The following UBASH3B variants were observed in gnomAD, a reference collection of about 807,000 sequenced individuals.
The protein encoded by UBASH3B is ubiquitin associated and SH3 domain containing B.
A neutral mutation model predicts 83.4 loss-of-function variants in UBASH3B; 37 were observed. The ratio of observed to expected loss-of-function variants is 0.44; its 90% CI spans 0.34 to 0.58. The LOEUF (loss-of-function observed/expected upper bound fraction) is 0.58. UBASH3B is among the 20% of genes least tolerant of loss of function. The probability of loss-of-function intolerance (pLI) is 0.01; values close to 1 mark genes in which losing one functional copy is unlikely to be tolerated. For synonymous variants in UBASH3B, 304 were observed against 318.3 expected, an observed-to-expected ratio of 0.96 and a Z score of 0.48; for missense variants, 657 against 827.2, an observed-to-expected ratio of 0.79 and a Z score of 2.52.
intron 1 of UBASH3B, among the ~76,000 whole-genome samples, chr11:122,771,657 A>C (rs112607856): frequency 0.019 from 2,856 of 151,810 alleles, 51 homozygotes; most frequent in Non-Finnish European, 0.029. Context: ...CCTGTGGGCC[A>C]ACAAAAATAC....
Position 122,777,223 on chromosome 11 carries a change from G to A in UBASH3B, c.402+13G>A, listed in dbSNP as rs1414936747. 9.4e-6 allele frequency: 15 copies of A among 1,600,784 alleles called. No homozygotes were observed. Among genetic ancestry groups the A allele is most frequent in the African/African-American group, 1.3e-5 (1 of 74,448 alleles). Reference sequence around the variant, plus strand: ...CCAGTTCTTTATGGTGAGCGGCAGCGCCCCCACCCCTGGGAAGCCTGGCTC... The same window carrying A: ...CCAGTTCTTTATGGTGAGCGGCAGCACCCCCACCCCTGGGAAGCCTGGCTC... On this transcript the variant is annotated intron_variant, in intron 3 of 13. Coordinates refer to ENST00000284273, the MANE Select transcript of UBASH3B (RefSeq NM_032873.5).
intron 1 of UBASH3B, among the ~76,000 whole-genome samples, chr11:122,697,815 G>T (rs1327007820): frequency 6.6e-6 from 1 of 152,180 alleles, no homozygotes; most frequent in Non-Finnish European, 1.5e-5. Flanking sequence ...TTAGAATAAA[G>T]AAAAGAGGAA....
At chr11:122,800,079 C>T (rs145478228) in intron 10 of UBASH3B, among the ~76,000 whole-genome samples, 122 of 152,282 alleles carry the variant, frequency 8.0e-4, no homozygotes, top group Non-Finnish European at 1.3e-3. Flanking sequence ...AAGCCAGTTA[C>T]ACTACAGTAA....
chr11:122,659,677 A>C (rs541534615), intron 1 of UBASH3B, among the ~76,000 whole-genome samples: 18 of 152,366 alleles, frequency 1.2e-4, no homozygotes, highest in Admixed American at 9.8e-4. Flanking sequence ...CAAAGCCCCA[A>C]AGAGCAGTGA....
At chr11:122,800,592 T>C (rs1021839759) in intron 10 of UBASH3B, among the ~76,000 whole-genome samples, 3 of 151,856 alleles carry the variant, frequency 2.0e-5, no homozygotes, top group African/African-American at 4.8e-5. Flanking sequence ...AGAGGAATTA[T>C]GGTAGTCACA....
In UBASH3B at chr11:122,799,126, G is replaced by A. The variant is rs530000440; in HGVS notation, c.1450+92G>A. On this transcript the variant is annotated intron_variant, in intron 10 of 13. Transcript: ENST00000284273. ...ATTATCTTAGAGCCATGGGACATTT[G>A]CCAGTTGAAAGCTTTGAATCTGGAA... The A allele has an allele frequency of 5.0e-5, 54 of 1,079,074 alleles. No individual in the cohort carries two copies. The African/African-American group carries it at 7.2e-4, about 14-fold the overall frequency. The allele number at this position is 1,079,074 out of a possible 1,614,324, so 66.8% of individuals were successfully genotyped here. A position where few individuals can be genotyped will look rare whatever the true frequency, so the allele number is the denominator to read the frequency against.
At chr11:122,789,411 G>A in intron 6 of UBASH3B, 103 bp downstream of exon 6, 1 of 1,279,640 alleles carries the variant, frequency 7.8e-7, no homozygotes, top group South Asian at 1.3e-5. Context: ...TGGGAAGAAG[G>A]CCCTGTGGAT....
rs1284093704 is a variant in UBASH3B, at chr11:122,688,621, CTTTCT to C, written c.161+32415_161+32419del. 8.7e-4 allele frequency among the ~76,000 whole-genome samples: 116 copies of C among 132,882 alleles called. 2 individuals carry two copies. Among genetic ancestry groups the C allele is most frequent in the East Asian group, 2.4e-3 (11 of 4,590 alleles). 87.2% of individuals were successfully genotyped at this position (132,882 alleles called of 152,430 possible). Reference sequence around the variant, plus strand: ...GCCACCACGTCTGGCTAATTTTTTTCTTTCTTTTATTTTATTTTATTTTATTTTAT... The same window carrying C: ...GCCACCACGTCTGGCTAATTTTTTTCTTTATTTTATTTTATTTTATTTTAT... On this transcript the variant is annotated intron_variant, in intron 1 of 13. Transcript: ENST00000284273.
At position 122,783,778 on chromosome 11, in the gene UBASH3B, T is replaced by TCAAGC. The variant is rs561416795; in HGVS notation, c.771+558_771+559insAGCCA. ...GACACACATGAAAAGAAAACTCAAGTCACCTCTTGTGAGAGTTTCTGCACA... is the reference window on the plus strand; with the variant it reads ...GACACACATGAAAAGAAAACTCAAGTCAAGCCACCTCTTGTGAGAGTTTCTGCACA... On this transcript the variant is annotated intron_variant, in intron 5 of 13. Transcript: ENST00000284273. Among the ~76,000 whole-genome samples the TCAAGC allele has an allele frequency of 2.2e-4, 34 of 152,250 alleles. No individual in the cohort carries two copies. In the East Asian group the frequency reaches 3.9e-3, roughly 17 times the overall value.
chr11:122,684,461 A>G (rs557641215), intron 1 of UBASH3B, among the ~76,000 whole-genome samples: 2 of 152,314 alleles, frequency 1.3e-5, no homozygotes, highest in East Asian at 3.9e-4. Context: ...AGTGTGTGTT[A>G]ACCTCACTAA....
intron 7 of UBASH3B, among the ~76,000 whole-genome samples, chr11:122,795,242 A>G (rs1861134453): frequency 6.6e-6 from 1 of 152,182 alleles, no homozygotes; most frequent in Non-Finnish European, 1.5e-5. Flanking sequence ...TTGGAGATGG[A>G]AGGAGGCAGG....
chr11:122,769,827 G>A (rs999486141), intron 1 of UBASH3B, among the ~76,000 whole-genome samples: 2 of 152,198 alleles, frequency 1.3e-5, no homozygotes, highest in African/African-American at 2.4e-5. Context: ...GTTCATTGCC[G>A]ACTTTTAAAC....
chr11:122,744,056 AC>A (rs1861070480), intron 1 of UBASH3B, among the ~76,000 whole-genome samples: 1 of 152,126 alleles, frequency 6.6e-6, no homozygotes, highest in Non-Finnish European at 1.5e-5. Context: ...TGTGAGGGAG[AC>A]CCAGGCGTCA....
In UBASH3B at chr11:122,699,606, C is replaced by T. The variant is rs1423790979; in HGVS notation, c.161+43396C>T. Among the ~76,000 whole-genome samples the T allele has an allele frequency of 3.1e-5, 4 of 127,146 alleles. No individual in the cohort carries two copies. In the Admixed American group the frequency reaches 3.3e-4, roughly 10 times the overall value. 83.4% of individuals were successfully genotyped at this position (127,146 alleles called of 152,430 possible). A position where few individuals can be genotyped will look rare whatever the true frequency, so the allele number is the denominator to read the frequency against. ...TCTTTCCTTTCTTTTTTTTTTGAAA[C>T]AAGGTCTCCCTCTGCCACCAGGCTG... On this transcript the variant is annotated intron_variant, in intron 1 of 13. Coordinates refer to ENST00000284273, the MANE Select transcript of UBASH3B (RefSeq NM_032873.5).
At chr11:122,739,718 C>T (rs779721923) in intron 1 of UBASH3B, among the ~76,000 whole-genome samples, 2 of 152,206 alleles carry the variant, frequency 1.3e-5, no homozygotes, top group African/African-American at 2.4e-5. Context: ...TCTGATTTGA[C>T]AAATTGGCAT....
At chr11:122,786,563 A>C (rs897759178) in intron 5 of UBASH3B, among the ~76,000 whole-genome samples, 6 of 152,172 alleles carry the variant, frequency 3.9e-5, no homozygotes, top group South Asian at 2.1e-4. Flanking sequence ...AGGCTGAGAC[A>C]GGAGAATCTC....
chr11:122,727,594 C>G (rs1226653200), intron 1 of UBASH3B: 7 of 152,144 alleles, frequency 4.6e-5, no homozygotes, highest in African/African-American at 1.7e-4. Context: ...CACCAGGAGA[C>G]AAGGACAGCG....
chr11:122,731,683 C>T (rs1037672231), intron 1 of UBASH3B, among the ~76,000 whole-genome samples: 4 of 152,178 alleles, frequency 2.6e-5, no homozygotes, highest in Admixed American at 6.5e-5. Flanking sequence ...CTACCCAGAA[C>T]GTCACACAAT....
At chr11:122,710,718 T>A (rs562979081) in intron 1 of UBASH3B, among the ~76,000 whole-genome samples, 1 of 151,524 alleles carries the variant, frequency 6.6e-6, no homozygotes, top group African/African-American at 2.4e-5. Flanking sequence ...CTGGGGAGAA[T>A]TGGGGAGGGG....
Sources: allele counts gnomAD v4.1 joint callset (sites outside exome capture counted in the v4.1 genomes callset), GRCh38; gene constraint gnomAD v4.1.1; transcripts MANE v1.5; gene names NCBI Gene and HGNC (gene_info 2026-07-23, HGNC 2026-07-21).